The following AP4S1 variants were observed in gnomAD, a reference collection of about 807,000 sequenced individuals.
AP4S1 encodes adaptor related protein complex 4 subunit sigma 1.
In AP4S1, 23 loss-of-function variants were observed where a neutral mutation model predicts 19.8. The ratio of observed to expected loss-of-function variants is 1.16; its 90% CI spans 0.84 to 1.65. The LOEUF is 1.65. AP4S1 is among the 40% of genes most tolerant of loss of function. The probability of loss-of-function intolerance (pLI) is 0.00; values close to 1 mark genes in which losing one functional copy is unlikely to be tolerated. For missense variants in AP4S1, 166 were observed against 172.8 expected (o/e 0.96, Z 0.22); for synonymous variants, 46 against 54.1 (o/e 0.85, Z 0.66).
Position 31,075,738 on chromosome 14 carries a change from C to G in AP4S1, c.294+2765C>G, listed in dbSNP as rs1887318567. Among the ~76,000 whole-genome samples, 5 of 103,600 alleles carry G rather than the reference C, an allele frequency of 4.8e-5. No homozygotes were observed. In the Admixed American group the frequency reaches 6.8e-4, roughly 14 times the overall value. 68.0% of individuals were successfully genotyped at this position (103,600 alleles called of 152,430 possible). On this transcript the variant is annotated intron_variant, in intron 4 of 5. Coordinates refer to ENST00000542754, the MANE Select transcript of AP4S1 (RefSeq NM_001128126.3). ...ATATTCCATTGTATGGATGGATATA[C>G]CAATTTTTTTTTTTTTTTGAGACGG...
At chr14:31,074,937 G>A (rs1477352480) in intron 4 of AP4S1, among the ~76,000 whole-genome samples, 1 of 151,684 alleles carries the variant, frequency 6.6e-6, no homozygotes, top group East Asian at 1.9e-4. Flanking sequence ...CAGAATACTT[G>A]TGATAATTTG....
upstream of AP4S1, chr14:31,025,549 T>C (rs575608590): frequency 8.1e-4 from 260 of 320,202 alleles, 2 homozygotes; most frequent in Middle Eastern, 0.016. Flanking sequence ...AAACTCAGTG[T>C]TGAGAGGCCC....
chr14:31,069,296 A>C (rs1003095096), intron 2 of AP4S1, among the ~76,000 whole-genome samples: 7 of 152,238 alleles, frequency 4.6e-5, no homozygotes, highest in Non-Finnish European at 8.8e-5. Context: ...TTTGTCTAGC[A>C]TCTGCCACAA....
intron 1 of AP4S1, among the ~76,000 whole-genome samples, chr14:31,060,007 A>G (rs1005315699): frequency 7.7e-5 from 11 of 143,016 alleles, no homozygotes; most frequent in Non-Finnish European, 1.5e-4. Context: ...ATATGTATTT[A>G]TGTATATATG....
chr14:31,050,995 A>G (rs1885757709), intron 1 of AP4S1, among the ~76,000 whole-genome samples: 1 of 151,806 alleles, frequency 6.6e-6, no homozygotes, highest in Non-Finnish European at 1.5e-5. Context: ...GTGGCCCATG[A>G]CTGTATTCCA....
At chr14:31,041,291 A>G (rs1313190204) in intron 1 of AP4S1, among the ~76,000 whole-genome samples, 1 of 151,802 alleles carries the variant, frequency 6.6e-6, no homozygotes, top group East Asian at 2.0e-4. Context: ...CTGGGATTAC[A>G]GGCACCTGCC....
chr14:31,090,631 A>G (rs188372929), intron 5 of AP4S1, among the ~76,000 whole-genome samples: 4 of 152,274 alleles, frequency 2.6e-5, no homozygotes, highest in East Asian at 3.9e-4. Flanking sequence ...TCCTATTTCA[A>G]ATGTCACCAT....
rs193032296 is a variant in AP4S1, at chr14:31,067,800, T to C, written c.138+1466T>C. ...TCCTAAAGTGCTGGAATTACAGGCA[T>C]GAGCCACCGTGCCAGGCCAAAAACT... On this transcript the variant is annotated intron_variant, in intron 2 of 5. Coordinates refer to ENST00000542754, the MANE Select transcript of AP4S1 (RefSeq NM_001128126.3). 2.2e-3 allele frequency among the ~76,000 whole-genome samples: 339 copies of C among 152,082 alleles called. 1 individual carries two copies. The highest frequency in any genetic ancestry group is 7.9e-3 in the African/African-American group (327 of 41,488).
intron 5 of AP4S1, among the ~76,000 whole-genome samples, chr14:31,087,251 C>T (rs866135535): frequency 3.9e-5 from 6 of 152,122 alleles, no homozygotes; most frequent in Admixed American, 3.9e-4. Flanking sequence ...TGACATGTCC[C>T]AATCCATAGA....
At chr14:31,031,778 G>GCTTC (rs1884402231) in intron 1 of AP4S1, among the ~76,000 whole-genome samples, 1 of 152,116 alleles carries the variant, frequency 6.6e-6, no homozygotes, top group Non-Finnish European at 1.5e-5. Context: ...CTCTCTTAAA[G>GCTTC]CTCACGTTCG....
At chr14:31,052,568 TA>T (rs1490150017) in intron 1 of AP4S1, among the ~76,000 whole-genome samples, 1 of 151,314 alleles carries the variant, frequency 6.6e-6, no homozygotes, top group African/African-American at 2.4e-5. Context: ...CTACTAAAAA[TA>T]CAAAAAAAAT....
intron 5 of AP4S1, among the ~76,000 whole-genome samples, chr14:31,086,782 G>A (rs914966966): frequency 5.9e-5 from 9 of 152,116 alleles, no homozygotes; most frequent in African/African-American, 2.2e-4. Flanking sequence ...TATATTTAGA[G>A]TCGTAGGAGC....
chr14:31,081,228 T>C (rs537252430), intron 5 of AP4S1, among the ~76,000 whole-genome samples: 17 of 152,274 alleles, frequency 1.1e-4, no homozygotes, highest in Admixed American at 3.3e-4. Flanking sequence ...GCCAAAAAAG[T>C]GTTTAGTCCT....
intron 3 of AP4S1, among the ~76,000 whole-genome samples, chr14:31,071,256 T>C (rs963731842): frequency 6.6e-6 from 1 of 152,156 alleles, no homozygotes; most frequent in African/African-American, 2.4e-5. Flanking sequence ...TGAACCAAAC[T>C]TTGAAGTGGT....
intron 1 of AP4S1, among the ~76,000 whole-genome samples, chr14:31,054,089 T>C (rs1885965735): frequency 6.6e-6 from 1 of 152,194 alleles, no homozygotes; most frequent in South Asian, 2.1e-4. Context: ...ATTCTTTCAT[T>C]TATTCAGTTA....
upstream of AP4S1, chr14:31,025,262 A>G (rs1164274993): frequency 1.3e-5 from 2 of 153,222 alleles, no homozygotes; most frequent in African/African-American, 4.8e-5. Context: ...GTAAGGAATA[A>G]CTACAGAGAA....
chr14:31,049,428 A>AAAAAAAAATATAT (rs1384450221), intron 1 of AP4S1, among the ~76,000 whole-genome samples: 20 of 57,736 alleles, frequency 3.5e-4, no homozygotes, highest in Admixed American at 5.5e-4. Flanking sequence ...AAAAAAAAAA[A>AAAAAAAAATATAT]ATATATATAT....
intron 1 of AP4S1, among the ~76,000 whole-genome samples, chr14:31,032,758 A>G (rs1594623302): frequency 6.6e-6 from 1 of 151,108 alleles, no homozygotes; most frequent in African/African-American, 2.4e-5. Context: ...CTGGTCTTGA[A>G]CTCCTGACCT....
intron 1 of AP4S1, among the ~76,000 whole-genome samples, chr14:31,044,128 C>T (rs532672910): frequency 6.6e-6 from 1 of 152,184 alleles, no homozygotes; most frequent in African/African-American, 2.4e-5. Context: ...CAAAAAGTAA[C>T]ATATCTCTTA....
Sources: gnomAD v4.1 joint callset for allele counts (sites outside exome capture counted in the v4.1 genomes callset) on GRCh38, gnomAD v4.1.1 for gene constraint, MANE v1.5 for transcripts, NCBI Gene and HGNC (gene_info 2026-07-23, HGNC 2026-07-21) for gene names.